Variants in LMX1B observed in about 807,000 individuals in gnomAD.
The protein encoded by LMX1B is LIM homeobox transcription factor 1-beta.
In LMX1B, 12 loss-of-function variants were observed where a neutral mutation model predicts 51.4. The ratio of observed to expected loss-of-function variants is 0.23; its 90% confidence interval spans 0.15 to 0.38. The LOEUF is 0.38. LMX1B is among the 10% of genes least tolerant of loss of function. LMX1B has a pLI of 1.00. For synonymous variants in LMX1B, 237 were observed against 235.4 expected (o/e 1.01, Z -0.06); for missense variants, 445 against 571.1 (o/e 0.78, Z 2.25).
At chr9:126,657,505 G>A (rs1020088988) in intron 2 of LMX1B, among the ~76,000 whole-genome samples, 1 of 152,190 alleles carries the variant, frequency 6.6e-6, no homozygotes, top group Admixed American at 6.5e-5. Flanking sequence ...GGGGATGCCT[G>A]CCTGCATCTG....
At chr9:126,616,059 T>A (rs1282052466) in intron 2 of LMX1B, among the ~76,000 whole-genome samples, 2 of 152,208 alleles carry the variant, frequency 1.3e-5, no homozygotes, top group Non-Finnish European at 2.9e-5. Flanking sequence ...GCCCCCTTTC[T>A]GCCAGGCTCA....
chr9:126,616,715 T>C (rs1023054248), intron 2 of LMX1B, among the ~76,000 whole-genome samples: 1 of 152,242 alleles, frequency 6.6e-6, no homozygotes, highest in Admixed American at 6.5e-5. Context: ...GAGTGCAACC[T>C]ACCTGTTCTG....
chr9:126,674,388 C>T (rs972408460), intron 2 of LMX1B, among the ~76,000 whole-genome samples: 10 of 149,058 alleles, frequency 6.7e-5, no homozygotes, highest in Non-Finnish European at 1.3e-4. Context: ...GTGGAGGAGG[C>T]TGGGGGGGCA....
Position 126,695,347 on chromosome 9 carries a change from C to T in LMX1B, c.887-492C>T, listed in dbSNP as rs149688153. Among the ~76,000 whole-genome samples the T allele has an allele frequency of 4.8e-4, 73 of 152,356 alleles. No individual in the cohort carries two copies. Among genetic ancestry groups the T allele is most frequent in the Non-Finnish European group, 8.5e-4 (58 of 68,026 alleles). On this transcript the variant is annotated intron_variant, in intron 6 of 7. Coordinates refer to ENST00000373474, the MANE Select transcript of LMX1B (RefSeq NM_001174147.2). This position sits in a 1 kb window ranked among gnomAD's most constrained non-coding sequence, Gnocchi z 5.2. Reference sequence around the variant, plus strand: ...CCTCTCTCCCTGCCTCTTGGCCCCACGTGCTGCACCCTCACTTACCCGGCG... The same window carrying T: ...CCTCTCTCCCTGCCTCTTGGCCCCATGTGCTGCACCCTCACTTACCCGGCG...
At position 126,695,812 on chromosome 9, in the gene LMX1B, G is replaced by A; in HGVS notation, c.887-27G>A. The A allele has an allele frequency of 6.2e-7, 1 of 1,611,392 alleles. No individual in the cohort carries two copies. The highest frequency in any genetic ancestry group is 1.1e-5 in the South Asian group (1 of 90,934). On this transcript the variant is annotated intron_variant, in intron 6 of 7. Coordinates refer to ENST00000373474, the MANE Select transcript of LMX1B (RefSeq NM_001174147.2). This position sits in a 1 kb window ranked among gnomAD's most constrained non-coding sequence, Gnocchi z 5.2. ...AGCTGGGAGGGCGTGGACCAGGCCA[G>A]GGGGTGAAGGCTCACTGTGCCCCCA...
chr9:126,667,720 A>C (rs540194314), intron 2 of LMX1B, among the ~76,000 whole-genome samples: 1 of 152,366 alleles, frequency 6.6e-6, no homozygotes, highest in African/African-American at 2.4e-5. Context: ...CTAGGAACCC[A>C]CAGGTCTCTG....
chr9:126,660,657 A>T (rs1439863402), intron 2 of LMX1B, among the ~76,000 whole-genome samples: 1 of 152,180 alleles, frequency 6.6e-6, no homozygotes, highest in African/African-American at 2.4e-5. Flanking sequence ...AACATGGTAA[A>T]CCCATAGAAG....
intron 2 of LMX1B, among the ~76,000 whole-genome samples, chr9:126,623,855 C>T (rs1484461458): frequency 6.6e-6 from 1 of 152,180 alleles, no homozygotes; most frequent in Non-Finnish European, 1.5e-5. Flanking sequence ...CCTTCGACGT[C>T]CGGACACGCG....
chr9:126,667,902 A>T (rs1324310759), intron 2 of LMX1B, among the ~76,000 whole-genome samples: 1 of 152,184 alleles, frequency 6.6e-6, no homozygotes, highest in Non-Finnish European at 1.5e-5. Context: ...TCAATGAACG[A>T]GACACTCGGG....
rs1362808051 is a variant in LMX1B, at chr9:126,615,165, C to T, written c.140-218C>T. On this transcript the variant is annotated intron_variant, in intron 1 of 7. Transcript: ENST00000373474. This position sits in a 1 kb window ranked among gnomAD's most constrained non-coding sequence, Gnocchi z 6.0. Reference sequence around the variant, plus strand: ...GAGAGCACAGCGCCGAGCCAAGGCTCGAGGCCCGCGGCCTCTCCACGCCGG... The same window carrying T: ...GAGAGCACAGCGCCGAGCCAAGGCTTGAGGCCCGCGGCCTCTCCACGCCGG... Among the ~76,000 whole-genome samples the T allele has an allele frequency of 6.6e-6, 1 of 151,926 alleles. No homozygotes were observed. The highest frequency in any genetic ancestry group is 1.5e-5 in the Non-Finnish European group (1 of 67,932).
chr9:126,646,031 G>A (rs748816797), intron 2 of LMX1B, among the ~76,000 whole-genome samples: 5 of 152,136 alleles, frequency 3.3e-5, no homozygotes, highest in South Asian at 2.1e-4. Flanking sequence ...TTCCTGAGCC[G>A]ATTATTAAAC....
chr9:126,648,251 T>C (rs1835938537), intron 2 of LMX1B, among the ~76,000 whole-genome samples: 1 of 152,220 alleles, frequency 6.6e-6, no homozygotes, highest in Non-Finnish European at 1.5e-5. Flanking sequence ...TCGGCACTAA[T>C]AGCCGGGAAC....
chr9:126,626,772 T>A lies in LMX1B; in HGVS notation c.326+11203T>A, dbSNP rs943281297. Among the ~76,000 whole-genome samples the A allele has an allele frequency of 6.6e-6, 1 of 152,108 alleles. No homozygotes were observed. The highest frequency in any genetic ancestry group is 1.5e-5 in the Non-Finnish European group (1 of 68,014). On this transcript the variant is annotated intron_variant, in intron 2 of 7. Coordinates refer to ENST00000373474, the MANE Select transcript of LMX1B (RefSeq NM_001174147.2). This position sits in a 1 kb window ranked among gnomAD's most constrained non-coding sequence, Gnocchi z 4.3. Reference sequence around the variant, plus strand: ...ACTCTGCGGATTAGGTTTCAGCGCCTCCGCCCCACCCCCAGCCCCGCGGCG... The same window carrying A: ...ACTCTGCGGATTAGGTTTCAGCGCCACCGCCCCACCCCCAGCCCCGCGGCG...
At chr9:126,632,426 C>T (rs966268139) in intron 2 of LMX1B, among the ~76,000 whole-genome samples, 2 of 152,066 alleles carry the variant, frequency 1.3e-5, no homozygotes, top group Non-Finnish European at 2.9e-5. Flanking sequence ...GAGGGGCTGC[C>T]GAGGGGCTGC....
At chr9:126,683,099 G>C (rs1420493087) in intron 2 of LMX1B, among the ~76,000 whole-genome samples, 1 of 151,124 alleles carries the variant, frequency 6.6e-6, no homozygotes, top group South Asian at 2.1e-4. Context: ...CCGAGGGGCC[G>C]GCGGCCCCGC....
chr9:126,641,264 T>TA lies in LMX1B; in HGVS notation c.326+25696dup, dbSNP rs1835804246. Reference sequence around the variant, plus strand: ...CCTGAAGTCCAGGCCTCTGAGATGATAGTCATAATTAAAGCTGCTGTTGAC... The same window carrying TA: ...CCTGAAGTCCAGGCCTCTGAGATGATAAGTCATAATTAAAGCTGCTGTTGAC... On this transcript the variant is annotated intron_variant, in intron 2 of 7. Coordinates refer to ENST00000373474, the MANE Select transcript of LMX1B (RefSeq NM_001174147.2). The surrounding 1 kb of genome is among the most constrained non-coding windows in gnomAD (Gnocchi z 4.1). The TA allele has an allele frequency of 6.6e-6, 1 of 152,210 alleles. No homozygotes were observed. The highest frequency in any genetic ancestry group is 1.5e-5 in the Non-Finnish European group (1 of 68,068). The allele number at this position is 152,210 out of a possible 1,614,324, so 9.4% of individuals were successfully genotyped here. A position where few individuals can be genotyped will look rare whatever the true frequency, so the allele number is the denominator to read the frequency against.
rs1835527532 is a variant in LMX1B, at chr9:126,626,209, C to T, written c.326+10640C>T. 6.6e-6 allele frequency among the ~76,000 whole-genome samples: 1 copy of T among 152,204 alleles called. No homozygotes were observed. Among genetic ancestry groups the T allele is most frequent in the Non-Finnish European group, 1.5e-5 (1 of 68,024 alleles). On this transcript the variant is annotated intron_variant, in intron 2 of 7. Coordinates refer to ENST00000373474, the MANE Select transcript of LMX1B (RefSeq NM_001174147.2). This position sits in a 1 kb window ranked among gnomAD's most constrained non-coding sequence, Gnocchi z 4.3. ...AGTCCCCGTGCGCCCTGGCAGAGGT[C>T]GGGGACGCCAGAGTGCACGCAGTCT...
intron 2 of LMX1B, among the ~76,000 whole-genome samples, chr9:126,675,917 C>T (rs1203101008): frequency 1.3e-5 from 2 of 149,396 alleles, no homozygotes; most frequent in South Asian, 2.1e-4. Flanking sequence ...GGCGTGGTAG[C>T]GGGCACCTGT....
intron 2 of LMX1B, among the ~76,000 whole-genome samples, chr9:126,681,028 G>A (rs1836660038): frequency 6.6e-6 from 1 of 152,100 alleles, no homozygotes; most frequent in Admixed American, 6.5e-5. Context: ...TGTCACCAGG[G>A]AAGGTCTGGT....
Sources: allele counts gnomAD v4.1 joint callset (sites outside exome capture counted in the v4.1 genomes callset), GRCh38; gene constraint gnomAD v4.1.1; non-coding constraint Gnocchi (gnomAD v3.1); transcripts MANE v1.5; gene names NCBI Gene and HGNC (gene_info 2026-07-23, HGNC 2026-07-21).